The following PRKCE variants were observed in gnomAD, a reference collection of about 807,000 sequenced individuals.
The protein encoded by PRKCE is protein kinase C epsilon type.
A neutral mutation model predicts 85.4 loss-of-function variants in PRKCE; 16 were observed. The ratio of observed to expected loss-of-function variants is 0.19; its 90% CI spans 0.13 to 0.28. The LOEUF (loss-of-function observed/expected upper bound fraction) is 0.28, where lower values mean the gene tolerates loss of function less well. Among genes scored for constraint, PRKCE ranks in the 10% least tolerant of loss-of-function variants. PRKCE has a pLI of 1.00. For synonymous variants in PRKCE, 388 were observed against 371.5 expected, an observed-to-expected ratio of 1.04 and a Z score of -0.51; for missense variants, 573 against 975.2, an observed-to-expected ratio of 0.59 and a Z score of 5.49.
intron 11 of PRKCE, among the ~76,000 whole-genome samples, chr2:46,102,117 A>G (rs1331817310): frequency 6.6e-6 from 1 of 152,196 alleles, no homozygotes; most frequent in Non-Finnish European, 1.5e-5. Context: ...GAAATCAGCC[A>G]TGATGGTAGT....
intron 2 of PRKCE, among the ~76,000 whole-genome samples, chr2:45,930,295 T>G (rs1698941752): frequency 6.6e-6 from 1 of 152,184 alleles, no homozygotes. Flanking sequence ...TGATAAGTGA[T>G]TAAGAGATGG....
At chr2:45,762,630 T>C (rs1684597736) in intron 1 of PRKCE, among the ~76,000 whole-genome samples, 1 of 152,112 alleles carries the variant, frequency 6.6e-6, no homozygotes, top group Non-Finnish European at 1.5e-5. Context: ...ACATGGAGAG[T>C]GATTCTTCCC....
At chr2:45,992,092 C>G (rs1457296823) in intron 6 of PRKCE, among the ~76,000 whole-genome samples, 1 of 152,060 alleles carries the variant, frequency 6.6e-6, no homozygotes, top group Non-Finnish European at 1.5e-5. Flanking sequence ...AAATCATAGG[C>G]GATAATTCAG....
intron 13 of PRKCE, among the ~76,000 whole-genome samples, chr2:46,158,562 T>C (rs968381124): frequency 6.6e-6 from 1 of 152,190 alleles, no homozygotes; most frequent in African/African-American, 2.4e-5. Context: ...GGTGCTTTGG[T>C]TCCAAGGGCA....
chr2:46,177,929 T>A (rs1031769709), intron 14 of PRKCE, among the ~76,000 whole-genome samples: 1 of 152,144 alleles, frequency 6.6e-6, no homozygotes, highest in South Asian at 2.1e-4. Flanking sequence ...AGGCAGGAAC[T>A]GAGCAGTCAC....
In PRKCE at chr2:45,980,324, C is replaced by T; in HGVS notation, c.636C>T (p.Cys212=). 1 of 1,599,664 alleles carries T rather than the reference C, an allele frequency of 6.3e-7. No individual in the cohort carries two copies. Among genetic ancestry groups the T allele is most frequent in the Non-Finnish European group, 8.5e-7 (1 of 1,179,920 alleles). ...GCACCTGCGTGGTCCACAAGCGGTGCCACGAGCTCATAATCACAAAGTGTG... is the reference window on the plus strand; with the variant it reads ...GCACCTGCGTGGTCCACAAGCGGTGTCACGAGCTCATAATCACAAAGTGTG... The part of the protein sequence containing the change: ...QVCTCVVHKR[C]HELIITKCAG... The change falls in exon 5 of 15, where the codon TGC becomes TGT. Residue 212 remains cysteine, a synonymous_variant. Coordinates refer to ENST00000306156, the MANE Select transcript of PRKCE (RefSeq NM_005400.3).
intron 10 of PRKCE, among the ~76,000 whole-genome samples, chr2:46,048,227 C>G (rs1027525546): frequency 1.4e-4 from 22 of 152,200 alleles, no homozygotes; most frequent in African/African-American, 5.3e-4. Flanking sequence ...GACCTTAGGG[C>G]AGGTACATGA....
intron 2 of PRKCE, among the ~76,000 whole-genome samples, chr2:45,885,002 T>TATATATTTTTTTTTG (rs1553440407): frequency 4.1e-5 from 4 of 97,642 alleles, no homozygotes; most frequent in Non-Finnish European, 8.4e-5. Context: ...TATATATATA[T>TATATATTTTTTTTTG]TTGTTGTTGT....
chr2:46,101,128 C>T (rs771664181), intron 11 of PRKCE, among the ~76,000 whole-genome samples: 26 of 152,104 alleles, frequency 1.7e-4, no homozygotes, highest in Admixed American at 3.9e-4. Flanking sequence ...CTTGGCCTCC[C>T]GAAGTCTGGG....
intron 1 of PRKCE, among the ~76,000 whole-genome samples, chr2:45,827,154 C>T (rs1426925202): frequency 6.6e-6 from 1 of 152,360 alleles, no homozygotes; most frequent in East Asian, 1.9e-4. Context: ...CACCCGTCTG[C>T]TTCAACTACT....
chr2:45,849,713 G>C (rs970368699), intron 2 of PRKCE, among the ~76,000 whole-genome samples: 1 of 152,082 alleles, frequency 6.6e-6, no homozygotes, highest in Non-Finnish European at 1.5e-5. Flanking sequence ...ACGGAGCCCA[G>C]AAAACAACAA....
At chr2:45,848,167 C>G (rs977933917) in intron 2 of PRKCE, among the ~76,000 whole-genome samples, 1 of 152,208 alleles carries the variant, frequency 6.6e-6, no homozygotes, top group African/African-American at 2.4e-5. Context: ...GACGGGTTCT[C>G]TCAGATTCAA....
In PRKCE at chr2:45,830,565, G is replaced by A. The variant is rs561307897; in HGVS notation, c.349-12435G>A. On this transcript the variant is annotated intron_variant, in intron 1 of 14. Coordinates refer to ENST00000306156, the MANE Select transcript of PRKCE (RefSeq NM_005400.3). Reference sequence around the variant, plus strand: ...ATAAGAGGAGTTTCAGAAAGAAAATGAAGAAGAGGCCCATGACAAAGAACA... The same window carrying A: ...ATAAGAGGAGTTTCAGAAAGAAAATAAAGAAGAGGCCCATGACAAAGAACA... 2.3e-3 allele frequency among the ~76,000 whole-genome samples: 356 copies of A among 152,318 alleles called. 2 individuals carry two copies. Among genetic ancestry groups the A allele is most frequent in the African/African-American group, 8.3e-3 (347 of 41,558 alleles).
intron 5 of PRKCE, among the ~76,000 whole-genome samples, chr2:45,982,894 A>G (rs184301326): frequency 3.2e-4 from 48 of 152,260 alleles, no homozygotes; most frequent in African/African-American, 1.1e-3. Context: ...TCATACCCCT[A>G]TGAGGTGATT....
At chr2:46,156,773 C>T (rs1677249537) in intron 13 of PRKCE, among the ~76,000 whole-genome samples, 1 of 152,172 alleles carries the variant, frequency 6.6e-6, no homozygotes, top group African/African-American at 2.4e-5. Flanking sequence ...TATTTGCTTG[C>T]TGGTTTGATC....
At position 45,801,116 on chromosome 2, in the gene PRKCE, G is replaced by T. The variant is rs1291676773; in HGVS notation, c.349-41884G>T. Among the ~76,000 whole-genome samples the T allele has an allele frequency of 2.0e-5, 3 of 152,202 alleles. No individual in the cohort carries two copies. The South Asian group carries it at 6.2e-4, about 32-fold the overall frequency. Reference sequence around the variant, plus strand: ...AGTGTTCTCGGGTGTATAGGCAGTTGAGTGGGCCAAGTTTTCAGCAGGGTG... The same window carrying T: ...AGTGTTCTCGGGTGTATAGGCAGTTTAGTGGGCCAAGTTTTCAGCAGGGTG... On this transcript the variant is annotated intron_variant, in intron 1 of 14. Coordinates refer to ENST00000306156, the MANE Select transcript of PRKCE (RefSeq NM_005400.3).
intron 1 of PRKCE, among the ~76,000 whole-genome samples, chr2:45,832,586 C>A (rs951629374): frequency 6.6e-6 from 1 of 152,166 alleles, no homozygotes; most frequent in Non-Finnish European, 1.5e-5. Context: ...GCTGGGATTA[C>A]AGGCGTGAGC....
intron 2 of PRKCE, among the ~76,000 whole-genome samples, chr2:45,885,288 A>C (rs1429900701): frequency 6.6e-6 from 1 of 152,062 alleles, no homozygotes; most frequent in Non-Finnish European, 1.5e-5. Context: ...GTGACTTCCA[A>C]ATAAAATGAT....
intron 11 of PRKCE, among the ~76,000 whole-genome samples, chr2:46,110,948 C>T (rs1672200086): frequency 6.6e-6 from 1 of 151,910 alleles, no homozygotes. Context: ...CTTCTTTGAC[C>T]CATGTGCTCT....
Sources: gnomAD v4.1 joint callset for allele counts (sites outside exome capture counted in the v4.1 genomes callset) on GRCh38, gnomAD v4.1.1 for gene constraint, MANE v1.5 for transcripts, NCBI Gene and HGNC (gene_info 2026-07-23, HGNC 2026-07-21) for gene names.